The following KCNH5 variants were observed in gnomAD, a reference collection of about 807,000 sequenced individuals.
KCNH5 encodes the protein potassium voltage-gated channel subfamily H member 5.
A neutral mutation model predicts 96.1 loss-of-function variants in KCNH5; 46 were observed. That is an observed-to-expected ratio of 0.48 (90% CI 0.38 to 0.61). The LOEUF (loss-of-function observed/expected upper bound fraction) is 0.61, where lower values mean the gene tolerates loss of function less well. Ranked by LOEUF, KCNH5 falls within the 20% of genes least tolerant of loss-of-function variation. The pLI is 0.00. For missense variants in KCNH5, 907 were observed against 1,225.8 expected (o/e 0.74, Z 3.88); for synonymous variants, 439 against 449.8 (o/e 0.98, Z 0.30).
chr14:62,769,173 G>A (rs142101913), intron 10 of KCNH5, among the ~76,000 whole-genome samples: 4 of 152,332 alleles, frequency 2.6e-5, no homozygotes, highest in African/African-American at 9.6e-5. Context: ...TAACTCACTT[G>A]TCTTACAGTG....
At chr14:62,817,514 G>C (rs1026750568) in intron 8 of KCNH5, among the ~76,000 whole-genome samples, 1 of 149,328 alleles carries the variant, frequency 6.7e-6, no homozygotes, top group Non-Finnish European at 1.5e-5. Context: ...GAATGAAAAA[G>C]AGTGAAGAGA....
chr14:62,784,701 C>A (rs1190037814), intron 9 of KCNH5, among the ~76,000 whole-genome samples: 2 of 152,116 alleles, frequency 1.3e-5, no homozygotes, highest in African/African-American at 2.4e-5. Flanking sequence ...AAGGTAATTT[C>A]TTCTTACCAA....
intron 7 of KCNH5, among the ~76,000 whole-genome samples, chr14:62,900,109 T>C (rs1483248689): frequency 3.9e-5 from 6 of 152,234 alleles, no homozygotes; most frequent in South Asian, 4.1e-4. Context: ...GAGGAAGAAA[T>C]AGAAATCCTG....
chr14:62,879,234 G>A (rs1277877713), intron 7 of KCNH5, among the ~76,000 whole-genome samples: 1 of 152,140 alleles, frequency 6.6e-6, no homozygotes, highest in Non-Finnish European at 1.5e-5. Flanking sequence ...AGAATACAGA[G>A]CAACTGGAAC....
intron 8 of KCNH5, among the ~76,000 whole-genome samples, chr14:62,803,611 A>C (rs1595629817): frequency 6.6e-6 from 1 of 152,154 alleles, no homozygotes; most frequent in East Asian, 1.9e-4. Context: ...GGCATCCTTT[A>C]AAAGAGGAAG....
rs1468892675 is a variant in KCNH5, at chr14:62,853,460, T to TATATATATATATATATATATATATATA, written c.1370-3609_1370-3608insTATATATATATATATATATATATATAT. 2.2e-4 allele frequency among the ~76,000 whole-genome samples: 20 copies of TATATATATATATATATATATATATATA among 89,568 alleles called. 1 individual carries two copies. The highest frequency in any genetic ancestry group is 7.4e-4 in the African/African-American group (19 of 25,618). 58.8% of individuals were successfully genotyped at this position (89,568 alleles called of 152,430 possible). On this transcript the variant is annotated intron_variant, in intron 7 of 10. Coordinates refer to ENST00000322893, the MANE Select transcript of KCNH5 (RefSeq NM_139318.5). ...TTCCCAAACAAAAAGAATAATCATA[T>TATATATATATATATATATATATATATA]ATATATATATATATATATATCATAT...
chr14:63,036,746 T>C (rs1594686941), intron 1 of KCNH5, among the ~76,000 whole-genome samples: 1 of 151,906 alleles, frequency 6.6e-6, no homozygotes, highest in Non-Finnish European at 1.5e-5. Context: ...ACTCATTCTT[T>C]AGGAAGGAAA....
At chr14:63,043,732 T>C (rs762097167) in intron 1 of KCNH5, among the ~76,000 whole-genome samples, 6 of 152,218 alleles carry the variant, frequency 3.9e-5, no homozygotes, top group African/African-American at 7.2e-5. Context: ...GGGAAAATAC[T>C]TTGAAACACT....
chr14:62,986,067 TC>T (rs1890701226), intron 5 of KCNH5, among the ~76,000 whole-genome samples: 1 of 152,192 alleles, frequency 6.6e-6, no homozygotes, highest in African/African-American at 2.4e-5. Context: ...TCCACCCACT[TC>T]TGCTACCACT....
At position 62,901,627 on chromosome 14, in the gene KCNH5, A is replaced by G. The variant is rs578046849; in HGVS notation, c.1369+48506T>C. 3.9e-5 allele frequency among the ~76,000 whole-genome samples: 6 copies of G among 152,274 alleles called. No individual in the cohort carries two copies. In the South Asian group the frequency reaches 6.2e-4, roughly 16 times the overall value. ...CCACATTTTCTTTATCCAGTCTACC[A>G]CTGATGGGCACCTAGGCTGATCAAA... On this transcript the variant is annotated intron_variant, in intron 7 of 10. Coordinates refer to ENST00000322893, the MANE Select transcript of KCNH5 (RefSeq NM_139318.5).
intron 7 of KCNH5, among the ~76,000 whole-genome samples, chr14:62,894,660 A>G (rs1185267488): frequency 1.3e-5 from 2 of 152,226 alleles, no homozygotes; most frequent in African/African-American, 4.8e-5. Context: ...CCAATTCTAT[A>G]TAGCTTTTGC....
intron 7 of KCNH5, among the ~76,000 whole-genome samples, chr14:62,867,468 C>CA (rs934926775): frequency 2.0e-5 from 3 of 152,074 alleles, no homozygotes; most frequent in Non-Finnish European, 2.9e-5. Context: ...AATGTTTTTC[C>CA]AAAAAATCAT....
In KCNH5 at chr14:62,994,431, G is replaced by C. The variant is rs111451683; in HGVS notation, c.433+6900C>G. Among the ~76,000 whole-genome samples, 694 of 152,086 alleles carry C rather than the reference G, an allele frequency of 4.6e-3. 9 individuals carry two copies. The highest frequency in any genetic ancestry group is 0.014 in the African/African-American group (601 of 41,504). Reference sequence around the variant, plus strand: ...GGCCATCTCTTTTAGAACACATATGGATAACTGACAGAATGGATTTCTTGG... The same window carrying C: ...GGCCATCTCTTTTAGAACACATATGCATAACTGACAGAATGGATTTCTTGG... On this transcript the variant is annotated intron_variant, in intron 4 of 10. Coordinates refer to ENST00000322893, the MANE Select transcript of KCNH5 (RefSeq NM_139318.5).
At chr14:62,870,743 C>A (rs1442781184) in intron 7 of KCNH5, among the ~76,000 whole-genome samples, 9 of 151,894 alleles carry the variant, frequency 5.9e-5, no homozygotes, top group Non-Finnish European at 8.8e-5. Flanking sequence ...AATACATGTA[C>A]AGTCATTATT....
At chr14:62,737,317 C>G (rs535598980) in intron 10 of KCNH5, among the ~76,000 whole-genome samples, 13 of 152,306 alleles carry the variant, frequency 8.5e-5, no homozygotes, top group Admixed American at 2.0e-4. Flanking sequence ...GTGCACAAGG[C>G]ATATCTATTG....
chr14:62,988,131 A>C (rs1890743895), intron 4 of KCNH5, among the ~76,000 whole-genome samples: 2 of 152,142 alleles, frequency 1.3e-5, no homozygotes, highest in Non-Finnish European at 2.9e-5. Context: ...TAAAATCATT[A>C]ATCTCAAGGA....
In KCNH5 at chr14:63,023,622, T is replaced by A. The variant is rs943513865; in HGVS notation, c.74-6668A>T. Among the ~76,000 whole-genome samples the A allele has an allele frequency of 8.5e-5, 13 of 152,106 alleles. 1 individual carries two copies. The highest frequency in any genetic ancestry group is 3.1e-4 in the African/African-American group (13 of 41,426). ...CAAATGGACCTGACAGATATAGATA[T>A]ATAAACATTCCACCCAAAGACAGTA... On this transcript the variant is annotated intron_variant, in intron 1 of 10. Transcript: ENST00000322893.
chr14:62,850,766 C>T (rs1277251848), intron 7 of KCNH5, among the ~76,000 whole-genome samples: 1 of 152,096 alleles, frequency 6.6e-6, no homozygotes, highest in Non-Finnish European at 1.5e-5. Flanking sequence ...AACTTCCCTG[C>T]CCCTCTGGTT....
chr14:62,891,593 CT>C (rs1156740433), intron 7 of KCNH5, among the ~76,000 whole-genome samples: 1 of 152,108 alleles, frequency 6.6e-6, no homozygotes, highest in Non-Finnish European at 1.5e-5. Flanking sequence ...CATCATGCCC[CT>C]AATCCTATAA....
Sources: allele counts gnomAD v4.1 joint callset (sites outside exome capture counted in the v4.1 genomes callset), GRCh38; gene constraint gnomAD v4.1.1; transcripts MANE v1.5; gene names NCBI Gene and HGNC (gene_info 2026-07-23, HGNC 2026-07-21).